The following NRXN3 variants were observed in gnomAD, a reference collection of about 807,000 sequenced individuals.
NRXN3 encodes neurexin III.
A neutral mutation model predicts 137.6 loss-of-function variants in NRXN3; 32 were observed. The observed-to-expected ratio is 0.23, with a 90% CI of 0.18 to 0.31. NRXN3 has a LOEUF of 0.31. Ranked by LOEUF, NRXN3 falls within the 10% of genes least tolerant of loss-of-function variation. The pLI, the probability that NRXN3 is intolerant of heterozygous loss-of-function variation, is 1.00. For synonymous variants in NRXN3, 798 were observed against 784.5 expected, an observed-to-expected ratio of 1.02 and a Z score of -0.29; for missense variants, 1,574 against 2,062.5, an observed-to-expected ratio of 0.76 and a Z score of 4.59.
chr14:79,534,618 T>C (rs1454964749), intron 16 of NRXN3, among the ~76,000 whole-genome samples: 1 of 151,768 alleles, frequency 6.6e-6, no homozygotes, highest in Non-Finnish European at 1.5e-5. Context: ...AACAGATTCA[T>C]GGGAGAGCCC....
At chr14:78,268,181 G>C (rs1480846879) in intron 2 of NRXN3, among the ~76,000 whole-genome samples, 1 of 152,140 alleles carries the variant, frequency 6.6e-6, no homozygotes, top group African/African-American at 2.4e-5. Flanking sequence ...GGACTCCACA[G>C]TGTATCTTAG....
At chr14:79,275,074 A>G (rs1281861427) in intron 15 of NRXN3, among the ~76,000 whole-genome samples, 1 of 152,236 alleles carries the variant, frequency 6.6e-6, no homozygotes, top group Non-Finnish European at 1.5e-5. Context: ...AAATAAGCAG[A>G]AGGATGAATT....
chr14:78,958,235 A>G (rs1470485366), intron 11 of NRXN3, among the ~76,000 whole-genome samples: 1 of 152,098 alleles, frequency 6.6e-6, no homozygotes, highest in Non-Finnish European at 1.5e-5. Flanking sequence ...AGAAATCAGG[A>G]GTGGTTTATA....
intron 4 of NRXN3, among the ~76,000 whole-genome samples, chr14:78,585,999 T>C (rs1389236650): frequency 2.0e-5 from 3 of 152,182 alleles, no homozygotes; most frequent in South Asian, 4.1e-4. Context: ...GGCCAAAGCA[T>C]TGATTCTCTT....
intron 14 of NRXN3, among the ~76,000 whole-genome samples, chr14:78,979,109 A>C (rs1489838391): frequency 6.6e-6 from 1 of 152,102 alleles, no homozygotes. Context: ...ATGCCTACTC[A>C]CACTGGGGAC....
At chr14:79,283,637 A>C (rs7153825) in intron 15 of NRXN3, among the ~76,000 whole-genome samples, 6,544 of 152,016 alleles carry the variant, frequency 0.043, 343 homozygotes, top group African/African-American at 0.12. Context: ...GGGTGCCCCC[A>C]AAAAATCTCA....
chr14:79,607,408 G>T (rs931001454), intron 16 of NRXN3, among the ~76,000 whole-genome samples: 2 of 152,172 alleles, frequency 1.3e-5, no homozygotes, highest in Non-Finnish European at 2.9e-5. Context: ...AGAGAGACAG[G>T]AAGAGACTGT....
At chr14:78,788,563 T>C (rs762342224) in intron 8 of NRXN3, among the ~76,000 whole-genome samples, 14 of 152,150 alleles carry the variant, frequency 9.2e-5, no homozygotes, top group Non-Finnish European at 1.8e-4. Context: ...GAAAGGCTTG[T>C]CTGTTGACCT....
At chr14:78,265,988 A>G (rs1472047999) in intron 2 of NRXN3, among the ~76,000 whole-genome samples, 1 of 152,218 alleles carries the variant, frequency 6.6e-6, no homozygotes, top group Non-Finnish European at 1.5e-5. Flanking sequence ...GGACATAGAT[A>G]ATGTGAAAAG....
chr14:79,307,774 CTCTCTCTTTCTCTCTT>C (rs1197093714), intron 15 of NRXN3, among the ~76,000 whole-genome samples: 1 of 152,060 alleles, frequency 6.6e-6, no homozygotes, highest in Admixed American at 6.6e-5. Flanking sequence ...CTTTCTCTCT[CTCTCTCTTTCTCTCTT>C]TCTTTATTTT....
chr14:79,295,657 A>T (rs2083955383), intron 15 of NRXN3, among the ~76,000 whole-genome samples: 1 of 152,164 alleles, frequency 6.6e-6, no homozygotes, highest in Non-Finnish European at 1.5e-5. Context: ...AATAAATGGC[A>T]TAGATGCTTC....
At chr14:78,227,110 G>A (rs1408536566) in intron 1 of NRXN3, among the ~76,000 whole-genome samples, 1 of 152,218 alleles carries the variant, frequency 6.6e-6, no homozygotes, top group Non-Finnish European at 1.5e-5. Context: ...ATTAATTAAT[G>A]ATTGATTAGT....
intron 4 of NRXN3, among the ~76,000 whole-genome samples, chr14:78,302,432 C>G (rs1187858445): frequency 6.6e-6 from 1 of 152,140 alleles, no homozygotes; most frequent in African/African-American, 2.4e-5. Flanking sequence ...CAATAAGACT[C>G]AGAGTCAGAT....
At chr14:78,264,985 C>T (rs1226006540) in intron 2 of NRXN3, among the ~76,000 whole-genome samples, 1 of 152,212 alleles carries the variant, frequency 6.6e-6, no homozygotes, top group African/African-American at 2.4e-5. Context: ...GAGTGAGTGT[C>T]TGGGCTTAGA....
intron 16 of NRXN3, among the ~76,000 whole-genome samples, chr14:79,541,278 C>T (rs2097269828): frequency 6.6e-6 from 1 of 152,136 alleles, no homozygotes; most frequent in African/African-American, 2.4e-5. Flanking sequence ...TGGCGCATGC[C>T]TGTAATCCCA....
At chr14:78,898,421 C>G (rs559440095) in intron 10 of NRXN3, among the ~76,000 whole-genome samples, 1 of 151,728 alleles carries the variant, frequency 6.6e-6, no homozygotes, top group Non-Finnish European at 1.5e-5. Context: ...AGTGATGATA[C>G]GAATTGTGTT....
chr14:78,173,739 G>A (rs1255217622), intron 1 of NRXN3, among the ~76,000 whole-genome samples: 1 of 53,240 alleles, frequency 1.9e-5, no homozygotes, highest in Non-Finnish European at 3.4e-5. Context: ...CACAACAGTC[G>A]TGCGATGGCC....
chr14:79,716,907 A>T (rs1472109011), intron 19 of NRXN3, among the ~76,000 whole-genome samples: 4 of 152,204 alleles, frequency 2.6e-5, no homozygotes. Context: ...AACCTGATGA[A>T]TAGTAGTTTT....
intron 15 of NRXN3, among the ~76,000 whole-genome samples, chr14:79,172,260 T>A (rs2061921): frequency 0.95 from 144,524 of 152,036 alleles, 69,161 homozygotes; most frequent in East Asian, 1. Flanking sequence ...TACTTATTAG[T>A]CCCCCAAATT....
Sources: gnomAD v4.1 joint callset for allele counts (sites outside exome capture counted in the v4.1 genomes callset) on GRCh38, gnomAD v4.1.1 for gene constraint, MANE v1.5 for transcripts, NCBI Gene and HGNC (gene_info 2026-07-23, HGNC 2026-07-21) for gene names.